ERC2: variants seen among roughly 807,000 people sequenced by gnomAD.
The protein encoded by ERC2 is ERC protein 2.
Under a neutral mutation model 114.8 loss-of-function variants are expected in ERC2, and 42 were observed. The observed-to-expected ratio is 0.37, with a 90% CI of 0.29 to 0.47. ERC2 has a LOEUF of 0.47. ERC2 is among the 20% of genes least tolerant of loss of function. The pLI, the probability that ERC2 is intolerant of heterozygous loss-of-function variation, is 0.99. For synonymous variants in ERC2, 454 were observed against 425.5 expected (o/e 1.07, Z -0.82); for missense variants, 939 against 1,150.7 (o/e 0.82, Z 2.66).
At chr3:55,776,648 G>C (rs1028992536) in intron 14 of ERC2, among the ~76,000 whole-genome samples, 4 of 152,164 alleles carry the variant, frequency 2.6e-5, no homozygotes, top group Admixed American at 2.6e-4. Flanking sequence ...GCTAGACCTG[G>C]GTTGAAATAT....
intron 1 of ERC2, among the ~76,000 whole-genome samples, chr3:56,441,409 A>G (rs2062300717): frequency 6.6e-6 from 1 of 152,234 alleles, no homozygotes; most frequent in Non-Finnish European, 1.5e-5. Context: ...TTATTATTTA[A>G]AGCCCCACTC....
intron 13 of ERC2, among the ~76,000 whole-genome samples, chr3:55,921,536 C>T (rs566937395): frequency 6.6e-6 from 1 of 152,166 alleles, no homozygotes; most frequent in African/African-American, 2.4e-5. Flanking sequence ...AACAATCAAC[C>T]TGAATATGGT....
chr3:56,358,512 T>C (rs2058828158), intron 2 of ERC2, among the ~76,000 whole-genome samples: 1 of 152,260 alleles, frequency 6.6e-6, no homozygotes, highest in African/African-American at 2.4e-5. Flanking sequence ...AAAAGCCTAC[T>C]TCAATCTAGC....
chr3:56,459,599 A>G (rs974170847), intron 1 of ERC2, among the ~76,000 whole-genome samples: 1 of 152,176 alleles, frequency 6.6e-6, no homozygotes, highest in Non-Finnish European at 1.5e-5. Flanking sequence ...ACTCTGAAAA[A>G]TAAACCATAG....
At chr3:55,640,944 T>A (rs1214108206) in intron 17 of ERC2, among the ~76,000 whole-genome samples, 1 of 152,244 alleles carries the variant, frequency 6.6e-6, no homozygotes, top group Admixed American at 6.5e-5. Context: ...AAATAACTTA[T>A]TTCTTAGCCA....
At chr3:56,033,496 T>G (rs1029380903) in intron 7 of ERC2, among the ~76,000 whole-genome samples, 23 of 152,228 alleles carry the variant, frequency 1.5e-4, no homozygotes, top group Admixed American at 1.4e-3. Context: ...AAGGCATGTA[T>G]AGTGGTGACG....
chr3:55,562,173 C>T lies in ERC2; in HGVS notation c.*40-50897G>A, dbSNP rs537365618. ...GCTGCCTTCTTTTTCTTTTTTGAGACGGAGTTTTGCTCTCGTTTCCCAGGC... is the reference window on the plus strand; with the variant it reads ...GCTGCCTTCTTTTTCTTTTTTGAGATGGAGTTTTGCTCTCGTTTCCCAGGC... On this transcript the variant is annotated intron_variant, in intron 17 of 17. Coordinates refer to ENST00000288221, the MANE Select transcript of ERC2 (RefSeq NM_015576.3). Among the ~76,000 whole-genome samples the T allele has an allele frequency of 1.2e-3, 185 of 149,598 alleles. 3 individuals carry two copies. Among genetic ancestry groups the T allele is most frequent in the South Asian group, 9.8e-3 (46 of 4,678 alleles).
intron 4 of ERC2, among the ~76,000 whole-genome samples, chr3:56,171,379 T>G (rs532333654): frequency 6.6e-6 from 1 of 152,296 alleles, no homozygotes; most frequent in East Asian, 1.9e-4. Flanking sequence ...GACCCAGACT[T>G]CTCTGTTGAC....
At chr3:55,670,487 G>A (rs2061515712) in intron 17 of ERC2, among the ~76,000 whole-genome samples, 2 of 152,168 alleles carry the variant, frequency 1.3e-5, no homozygotes, top group Non-Finnish European at 2.9e-5. Context: ...AGCAGAGATT[G>A]AAAAGGGTCA....
At chr3:56,349,422 T>C (rs1050648466) in intron 2 of ERC2, among the ~76,000 whole-genome samples, 3 of 152,234 alleles carry the variant, frequency 2.0e-5, no homozygotes, top group Non-Finnish European at 2.9e-5. Flanking sequence ...ACGCTGGCTC[T>C]ATAATTACCA....
chr3:56,312,014 CTG>C (rs1250438317), intron 2 of ERC2, among the ~76,000 whole-genome samples: 1 of 152,026 alleles, frequency 6.6e-6, no homozygotes, highest in Non-Finnish European at 1.5e-5. Flanking sequence ...AGCATTTACA[CTG>C]TGTTAGGTAG....
chr3:55,544,491 C>T (rs769836637), intron 17 of ERC2, among the ~76,000 whole-genome samples: 2 of 152,144 alleles, frequency 1.3e-5, no homozygotes, highest in Admixed American at 1.3e-4. Context: ...CCACCTCCCC[C>T]ACCCCATATC....
At chr3:56,260,305 T>C (rs529957538) in intron 3 of ERC2, among the ~76,000 whole-genome samples, 41 of 152,206 alleles carry the variant, frequency 2.7e-4, no homozygotes, top group African/African-American at 9.2e-4. Flanking sequence ...GGGAAGCAGA[T>C]GAGAATAACA....
intron 1 of ERC2, among the ~76,000 whole-genome samples, chr3:56,449,523 A>C (rs1407439679): frequency 6.6e-6 from 1 of 152,216 alleles, no homozygotes; most frequent in African/African-American, 2.4e-5. Context: ...TATCACTAAA[A>C]TCACTTCCAT....
At chr3:55,726,089 A>G (rs375739195) in intron 15 of ERC2, among the ~76,000 whole-genome samples, 1 of 152,222 alleles carries the variant, frequency 6.6e-6, no homozygotes, top group East Asian at 1.9e-4. Flanking sequence ...CTGTAAAGAC[A>G]CTTTGCACTG....
intron 10 of ERC2, among the ~76,000 whole-genome samples, chr3:55,992,496 T>C (rs1403054184): frequency 2.0e-5 from 3 of 152,196 alleles, no homozygotes; most frequent in African/African-American, 7.2e-5. Flanking sequence ...TTTGTTCCAT[T>C]AAATGTTGCT....
intron 2 of ERC2, among the ~76,000 whole-genome samples, chr3:56,325,639 A>G (rs2057328089): frequency 6.6e-6 from 1 of 152,224 alleles, no homozygotes. Context: ...CTATAAAGAC[A>G]GATGCTGTAT....
At chr3:55,818,056 A>G (rs949128263) in intron 14 of ERC2, among the ~76,000 whole-genome samples, 13 of 152,214 alleles carry the variant, frequency 8.5e-5, no homozygotes, top group African/African-American at 2.9e-4. Context: ...CTGGGGGATC[A>G]TAAGTAAGAT....
chr3:56,246,597 C>G (rs1470484050), intron 3 of ERC2, among the ~76,000 whole-genome samples: 2 of 152,086 alleles, frequency 1.3e-5, no homozygotes, highest in African/African-American at 4.8e-5. Context: ...AAGAAATACT[C>G]AGACAAGATA....
Sources: gnomAD v4.1 joint callset for allele counts (sites outside exome capture counted in the v4.1 genomes callset) on GRCh38, gnomAD v4.1.1 for gene constraint, MANE v1.5 for transcripts, NCBI Gene and HGNC (gene_info 2026-07-23, HGNC 2026-07-21) for gene names.